RGS12: variants seen among roughly 807,000 people sequenced by gnomAD.
RGS12 encodes the protein regulator of G protein signaling 12, also known as regulator of G-protein signaling 12.
RGS12 carries 66 observed loss-of-function variants against 120.1 expected under a neutral mutation model. That is an observed-to-expected ratio of 0.55 (90% CI 0.45 to 0.67). The LOEUF (loss-of-function observed/expected upper bound fraction) is 0.67. RGS12 is among the 30% of genes least tolerant of loss of function. The pLI is 0.00. For synonymous variants in RGS12, 827 were observed against 804.7 expected (o/e 1.03, Z -0.47); for missense variants, 1,859 against 1,957.7 (o/e 0.95, Z 0.95).
At chr4:3,371,089 A>C (rs568607247) in intron 3 of RGS12, among the ~76,000 whole-genome samples, 2 of 152,294 alleles carry the variant, frequency 1.3e-5, no homozygotes, top group African/African-American at 4.8e-5. Context: ...AGGGGCATGG[A>C]GGGGTTGGGA....
chr4:3,300,783 C>G (rs77929212), intron 1 of RGS12, among the ~76,000 whole-genome samples: 1,613 of 152,368 alleles, frequency 0.011, 23 homozygotes, highest in Middle Eastern at 0.034. Flanking sequence ...TTTTGCCTCC[C>G]TCTTTTACGG....
intron 3 of RGS12, among the ~76,000 whole-genome samples, chr4:3,371,471 T>G (rs1426366196): frequency 6.6e-6 from 1 of 152,226 alleles, no homozygotes; most frequent in Non-Finnish European, 1.5e-5. Context: ...AAAATTTTGT[T>G]TTTTTATTCC....
intron 4 of RGS12, chr4:3,407,250 G>A (rs917690360): frequency 2.0e-5 from 3 of 152,242 alleles, no homozygotes; most frequent in African/African-American, 7.2e-5. Context: ...CAGCAGCTGA[G>A]GGGCTGCTGT....
At chr4:3,373,024 G>A (rs1281328491) in intron 3 of RGS12, among the ~76,000 whole-genome samples, 3 of 152,336 alleles carry the variant, frequency 2.0e-5, no homozygotes, top group East Asian at 1.9e-4. Flanking sequence ...GCGTGGCTGC[G>A]GTCACACAGA....
At chr4:3,375,547 C>G (rs1463169198) in intron 3 of RGS12, among the ~76,000 whole-genome samples, 1 of 76,160 alleles carries the variant, frequency 1.3e-5, no homozygotes, top group Non-Finnish European at 2.7e-5. Flanking sequence ...GCCCTCATCT[C>G]CAGCCTCATC....
chr4:3,381,623 C>T (rs559598388), intron 3 of RGS12, among the ~76,000 whole-genome samples: 18 of 152,170 alleles, frequency 1.2e-4, no homozygotes, highest in South Asian at 4.1e-4. Flanking sequence ...CTTATAAAAC[C>T]GTCAGATCTT....
At chr4:3,437,436 G>A (rs939575112) in intron 17 of RGS12, among the ~76,000 whole-genome samples, 1 of 152,170 alleles carries the variant, frequency 6.6e-6, no homozygotes, top group African/African-American at 2.4e-5. Flanking sequence ...GAACACTCCA[G>A]GCAAATGCCC....
Position 3,423,563 on chromosome 4 carries a change from C to T in RGS12, c.3156C>T (p.Pro1052=). 6.2e-7 allele frequency: 1 copy of T among 1,613,018 alleles called. No individual in the cohort carries two copies. The highest frequency in any genetic ancestry group is 8.5e-7 in the Non-Finnish European group (1 of 1,179,958). The change falls in exon 13 of 18, where the codon CCC becomes CCT. Residue 1052 remains proline, a synonymous_variant. Transcript: ENST00000336727. ...INRSVGLKAK[P]TKPVTEVLRP... is the part of the protein sequence containing the mutation. ...GGTCAGTGGGACTCAAGGCCAAGCC[C>T]ACCAAGCCCGTCACGGAGGTGCTGC... is the stretch of plus-strand genomic sequence containing the variant.
chr4:3,369,036 G>A (rs986962012), intron 3 of RGS12, among the ~76,000 whole-genome samples: 5 of 152,182 alleles, frequency 3.3e-5, no homozygotes, highest in East Asian at 1.9e-4. Context: ...CGGGGGTCCC[G>A]GTAGCTTGGG....
upstream of RGS12, among the ~76,000 whole-genome samples, chr4:3,292,787 C>A (rs1012274819): frequency 6.6e-6 from 1 of 152,166 alleles, no homozygotes; most frequent in Non-Finnish European, 1.5e-5. Context: ...GGAAGTCCCG[C>A]CCCCGGCCGT....
chr4:3,427,893 G>A (rs986600857), intron 14 of RGS12, among the ~76,000 whole-genome samples, 197 bp from the exon 15 acceptor site: 6 of 152,206 alleles, frequency 3.9e-5, no homozygotes, highest in Non-Finnish European at 7.3e-5. Flanking sequence ...TACGGAGCCC[G>A]GCTGTGTGCG....
chr4:3,326,528 C>T (rs867430958), intron 2 of RGS12, among the ~76,000 whole-genome samples: 3 of 152,192 alleles, frequency 2.0e-5, no homozygotes, highest in Non-Finnish European at 4.4e-5. Context: ...AAGTGTGAGC[C>T]ACCGCCCCTG....
At chr4:3,308,692 A>G (rs1440138275) in intron 1 of RGS12, among the ~76,000 whole-genome samples, 1 of 152,068 alleles carries the variant, frequency 6.6e-6, no homozygotes, top group Admixed American at 6.5e-5. Flanking sequence ...TTTTCTTCTG[A>G]AAGTTTTGTG....
chr4:3,286,061 G>A, the RGS12 span, among the ~76,000 whole-genome samples: 1 of 152,266 alleles, frequency 6.6e-6, no homozygotes. Flanking sequence ...GTGGAGAGGA[G>A]CCCAGATGCC....
chr4:3,425,847 T>C (rs578048161), intron 14 of RGS12, among the ~76,000 whole-genome samples: 1 of 6,896 alleles, frequency 1.5e-4, no homozygotes, highest in South Asian at 0.014. Context: ...GCGGGGCCAG[T>C]GCAGGGGAGG....
At chr4:3,375,171 T>G (rs1398160364) in intron 3 of RGS12, among the ~76,000 whole-genome samples, 3 of 151,980 alleles carry the variant, frequency 2.0e-5, no homozygotes, top group Non-Finnish European at 4.4e-5. Context: ...GCACGGGAGG[T>G]CATTTTGAGA....
chr4:3,355,533 G>A (rs532755776), intron 3 of RGS12, among the ~76,000 whole-genome samples: 122 of 152,242 alleles, frequency 8.0e-4, no homozygotes, highest in African/African-American at 2.8e-3. Flanking sequence ...GGTGGCTCAC[G>A]CCTGTAATCC....
chr4:3,319,806 C>T (rs1222559611), intron 2 of RGS12, among the ~76,000 whole-genome samples: 1 of 152,194 alleles, frequency 6.6e-6, no homozygotes, highest in African/African-American at 2.4e-5. Flanking sequence ...TTCCTTGTCT[C>T]TTGATCTGAG....
At chr4:3,292,621 G>A (rs1206353520), upstream of RGS12, among the ~76,000 whole-genome samples, 1 of 152,220 alleles carries the variant, frequency 6.6e-6, no homozygotes. Context: ...CCAGGCAGGG[G>A]CGGCTCCTCC....
Sources: gnomAD v4.1 joint callset for allele counts (sites outside exome capture counted in the v4.1 genomes callset) on GRCh38, gnomAD v4.1.1 for gene constraint, MANE v1.5 for transcripts, NCBI Gene and HGNC (gene_info 2026-07-23, HGNC 2026-07-21) for gene names.